Variants in CDYL2 observed in about 807,000 individuals in gnomAD.
The protein encoded by CDYL2 is chromodomain Y-like protein 2.
A neutral mutation model predicts 49.4 loss-of-function variants in CDYL2; 23 were observed. The observed-to-expected ratio is 0.47, with a 90% confidence interval of 0.34 to 0.66. The LOEUF is 0.66. Among genes scored for constraint, CDYL2 ranks in the 30% least tolerant of loss-of-function variants. The pLI is 0.01. For synonymous variants in CDYL2, 360 were observed against 268.8 expected, an observed-to-expected ratio of 1.34 and a Z score of -3.32; for missense variants, 678 against 656.4, an observed-to-expected ratio of 1.03 and a Z score of -0.36.
intron 1 of CDYL2, among the ~76,000 whole-genome samples, chr16:80,800,574 C>CA (rs900562874): frequency 1.1e-3 from 161 of 149,218 alleles, no homozygotes; most frequent in African/African-American, 3.4e-3. Context: ...CGAAAAGATC[C>CA]AAAAAAAAAT....
At chr16:80,626,547 A>G (rs903704701) in intron 3 of CDYL2, among the ~76,000 whole-genome samples, 3 of 152,214 alleles carry the variant, frequency 2.0e-5, no homozygotes, top group African/African-American at 7.2e-5. Flanking sequence ...TTAAAAATAC[A>G]TGAATTATAA....
At chr16:80,764,868 G>A (rs1480876426) in intron 1 of CDYL2, among the ~76,000 whole-genome samples, 1 of 151,688 alleles carries the variant, frequency 6.6e-6, no homozygotes, top group Non-Finnish European at 1.5e-5. Context: ...AGACCATTCT[G>A]GCTAACAGGG....
Position 80,684,958 on chromosome 16 carries a change from T to A in CDYL2, c.196A>T (p.Ile66Phe), listed in dbSNP as rs781244552. The change falls in exon 2 of 7, where the codon ATC (isoleucine) becomes TTC (phenylalanine). Residue 66 changes from isoleucine (I) to phenylalanine (F), a missense_variant. Ile to Phe is a conservative substitution (Grantham distance 21). Coordinates refer to ENST00000570137, the MANE Select transcript of CDYL2 (RefSeq NM_152342.4). ...NGLHMSKDKRIKSGKQSSTSK... is the reference protein window; with the variant it reads ...NGLHMSKDKRFKSGKQSSTSK... ...GTACTGGACTGCTTCCCTGACTTGA[T>A]CCTCTTGTCCTTGGACATGTGCAAC... is the stretch of plus-strand genomic sequence containing the variant. The A allele has an allele frequency of 6.2e-7, 1 of 1,614,170 alleles. No homozygotes were observed. Among genetic ancestry groups the A allele is most frequent in the East Asian group, 2.2e-5 (1 of 44,880 alleles).
intron 2 of CDYL2, among the ~76,000 whole-genome samples, chr16:80,645,041 A>G (rs1908273792): frequency 6.6e-6 from 1 of 152,186 alleles, no homozygotes. Flanking sequence ...AAACCCTAGA[A>G]GAAAACCTAG....
At chr16:80,662,287 C>T (rs892533733) in intron 2 of CDYL2, among the ~76,000 whole-genome samples, 3 of 152,166 alleles carry the variant, frequency 2.0e-5, no homozygotes, top group Non-Finnish European at 2.9e-5. Flanking sequence ...AAAATAGTAA[C>T]ACCTTGTGTG....
chr16:80,619,445 C>T (rs891700017), intron 4 of CDYL2, among the ~76,000 whole-genome samples: 1 of 152,226 alleles, frequency 6.6e-6, no homozygotes, highest in Non-Finnish European at 1.5e-5. Context: ...ATCCAGCTAA[C>T]ACCTCCACTG....
intron 2 of CDYL2, among the ~76,000 whole-genome samples, chr16:80,674,382 G>C (rs935573648): frequency 6.6e-6 from 1 of 152,118 alleles, no homozygotes; most frequent in Non-Finnish European, 1.5e-5. Flanking sequence ...TAGGGAAACG[G>C]TAGCTGTTAT....
At chr16:80,641,521 T>C (rs1180355844) in intron 2 of CDYL2, among the ~76,000 whole-genome samples, 1 of 151,646 alleles carries the variant, frequency 6.6e-6, no homozygotes, top group Non-Finnish European at 1.5e-5. Flanking sequence ...AAGAAAAGGA[T>C]GTTAAGAAAA....
At chr16:80,684,434 G>C (rs1438788215) in intron 2 of CDYL2, 104 bp downstream of exon 2, 7 of 1,051,016 alleles carry the variant, frequency 6.7e-6, no homozygotes, top group Non-Finnish European at 9.8e-6. Context: ...CTAGCTAAGA[G>C]ACGGGGATGG....
intron 1 of CDYL2, among the ~76,000 whole-genome samples, chr16:80,691,851 T>A (rs750834862): frequency 1.3e-5 from 2 of 152,004 alleles, no homozygotes; most frequent in Non-Finnish European, 2.9e-5. Flanking sequence ...AAACGATTCA[T>A]TTACATAAGA....
At chr16:80,780,235 C>A (rs1397111129) in intron 1 of CDYL2, among the ~76,000 whole-genome samples, 2 of 151,868 alleles carry the variant, frequency 1.3e-5, no homozygotes, top group Non-Finnish European at 2.9e-5. Context: ...TTCTAAAATG[C>A]ATTTTTTAAA....
At chr16:80,748,795 G>T (rs929666413) in intron 1 of CDYL2, among the ~76,000 whole-genome samples, 1 of 151,964 alleles carries the variant, frequency 6.6e-6, no homozygotes, top group African/African-American at 2.4e-5. Flanking sequence ...TCCTTGAGCT[G>T]CCCTTGTCTC....
chr16:80,747,314 G>A (rs1268955520), intron 1 of CDYL2, among the ~76,000 whole-genome samples: 1 of 152,114 alleles, frequency 6.6e-6, no homozygotes, highest in African/African-American at 2.4e-5. Context: ...AGTTTCTCGG[G>A]AGGGAGGCCT....
Position 80,601,981 on chromosome 16 carries a change from T to A in CDYL2, c.*2407A>T, listed in dbSNP as rs1205919855. Reference sequence around the variant, plus strand: ...AAGGTGGACACTGATCTAAAGGAATTTCTAAACATCCCCTTCCATGTCCAA... The same window carrying A: ...AAGGTGGACACTGATCTAAAGGAATATCTAAACATCCCCTTCCATGTCCAA... On this transcript the variant is annotated 3_prime_UTR_variant, in exon 7 of 7. Transcript: ENST00000570137. The A allele has an allele frequency of 6.6e-6, 1 of 152,182 alleles. No individual in the cohort carries two copies. Among genetic ancestry groups the A allele is most frequent in the African/African-American group, 2.4e-5 (1 of 41,448 alleles). 9.4% of individuals were successfully genotyped at this position (152,182 alleles called of 1,614,324 possible).
intron 2 of CDYL2, among the ~76,000 whole-genome samples, chr16:80,669,935 A>C (rs1909430899): frequency 6.6e-6 from 1 of 152,128 alleles, no homozygotes; most frequent in South Asian, 2.1e-4. Context: ...TGAGGAGCTG[A>C]CTCGGTCCTG....
intron 2 of CDYL2, among the ~76,000 whole-genome samples, chr16:80,669,343 C>A (rs1909402314): frequency 6.6e-6 from 1 of 152,070 alleles, no homozygotes; most frequent in African/African-American, 2.4e-5. Context: ...GACTCAGAGG[C>A]CCCACGGACC....
intron 1 of CDYL2, among the ~76,000 whole-genome samples, chr16:80,771,190 C>A (rs183481775): frequency 4.4e-4 from 67 of 152,300 alleles, no homozygotes; most frequent in African/African-American, 1.6e-3. Flanking sequence ...GAAAGTAAAA[C>A]CACACTAGGC....
chr16:80,632,992 C>A (rs750929782), intron 3 of CDYL2, 27 bp downstream of exon 3: 4 of 1,602,080 alleles, frequency 2.5e-6, no homozygotes, highest in South Asian at 1.1e-5. Context: ...GCCCAGCTTG[C>A]CCTTCCCTCT....
At chr16:80,744,460 G>A (rs1023237767) in intron 1 of CDYL2, among the ~76,000 whole-genome samples, 17 of 150,732 alleles carry the variant, frequency 1.1e-4, no homozygotes, top group African/African-American at 4.1e-4. Flanking sequence ...CTCCTGACCT[G>A]AGAAAGCAAC....
Sources: gnomAD v4.1 joint callset for allele counts (sites outside exome capture counted in the v4.1 genomes callset) on GRCh38, gnomAD v4.1.1 for gene constraint, MANE v1.5 for transcripts, NCBI Gene and HGNC (gene_info 2026-07-23, HGNC 2026-07-21) for gene names.